MITF: variants seen among roughly 807,000 people sequenced by gnomAD.
MITF encodes the protein microphthalmia-associated transcription factor.
Under a neutral mutation model 60.5 loss-of-function variants are expected in MITF, and 17 were observed. That is an observed-to-expected ratio of 0.28 (90% CI 0.19 to 0.42). MITF has a LOEUF of 0.42. Among genes scored for constraint, MITF ranks in the 10% least tolerant of loss-of-function variants. The probability of loss-of-function intolerance (pLI) is 1.00; values close to 1 mark genes in which losing one functional copy is unlikely to be tolerated. For missense variants in MITF, 622 were observed against 683.5 expected (o/e 0.91, Z 1.00); for synonymous variants, 260 against 248.5 (o/e 1.05, Z -0.43).
chr3:69,916,076 AT>A (rs1462506777), intron 2 of MITF, among the ~76,000 whole-genome samples: 1 of 152,210 alleles, frequency 6.6e-6, no homozygotes, highest in Non-Finnish European at 1.5e-5. Context: ...ATCATATTCC[AT>A]TGTTCTGATA....
intron 8 of MITF, among the ~76,000 whole-genome samples, chr3:69,956,956 G>A (rs1455458593): frequency 6.6e-6 from 1 of 152,144 alleles, no homozygotes; most frequent in Non-Finnish European, 1.5e-5. Flanking sequence ...GAGACTTAAA[G>A]TTTAATGATA....
chr3:69,800,876 G>A (rs1398998506), intron 1 of MITF, among the ~76,000 whole-genome samples: 2 of 152,144 alleles, frequency 1.3e-5, no homozygotes, highest in African/African-American at 2.4e-5. Flanking sequence ...TAGAGAAAGT[G>A]ACTGAACCAG....
At chr3:69,924,523 C>T (rs1364135238) in intron 2 of MITF, among the ~76,000 whole-genome samples, 2 of 152,166 alleles carry the variant, frequency 1.3e-5, no homozygotes, top group Non-Finnish European at 2.9e-5. Context: ...TACAGGTTGT[C>T]TCAAATTTAT....
chr3:69,758,200 C>T (rs2062159380), intron 1 of MITF, among the ~76,000 whole-genome samples: 1 of 151,780 alleles, frequency 6.6e-6, no homozygotes, highest in Admixed American at 6.6e-5. Flanking sequence ...GACAGGGTCT[C>T]ACTCCATCTC....
intron 2 of MITF, among the ~76,000 whole-genome samples, chr3:69,925,347 C>G (rs924523385): frequency 6.6e-6 from 1 of 152,114 alleles, no homozygotes; most frequent in Non-Finnish European, 1.5e-5. Context: ...TTTACTCTGA[C>G]AGTGGGTCGT....
chr3:69,865,564 A>G (rs2064097767), intron 1 of MITF, among the ~76,000 whole-genome samples: 1 of 152,210 alleles, frequency 6.6e-6, no homozygotes, highest in Admixed American at 6.5e-5. Context: ...GACAGTCTTA[A>G]GAATACACAG....
chr3:69,920,952 C>T (rs1441164313), intron 2 of MITF, among the ~76,000 whole-genome samples: 2 of 152,200 alleles, frequency 1.3e-5, no homozygotes, highest in Non-Finnish European at 2.9e-5. Context: ...ACTGCAACCT[C>T]CACCTCCCTG....
intron 9 of MITF, among the ~76,000 whole-genome samples, chr3:69,962,051 G>C (rs529696028): frequency 6.6e-6 from 1 of 152,338 alleles, no homozygotes; most frequent in Admixed American, 6.5e-5. Flanking sequence ...AGAAATCTGA[G>C]TAATGCTTTA....
rs2064425002 is a variant in MITF, at chr3:69,879,226, A to T, written c.197A>T (p.Glu66Val). Reference protein sequence around the residue: ...RILLRQQLMREQMQEQERREQ... With the variant: ...RILLRQQLMRVQMQEQERREQ... The stretch of plus-strand genomic sequence containing the variant: ...TTGCTACGCCAGCAACTCATGCGTG[A>T]GCAGATGCAGGAGCAGGAGCGCAGG... Residue 66 changes from glutamate to valine, a missense_variant, in exon 2 of 10, where the codon GAG (glutamate) becomes GTG (valine). Coordinates refer to ENST00000352241, the MANE Select transcript of MITF (RefSeq NM_001354604.2). 1 of 1,614,092 alleles carries T rather than the reference A, an allele frequency of 6.2e-7. No homozygotes were observed. Among genetic ancestry groups the T allele is most frequent in the Admixed American group, 1.7e-5 (1 of 60,008 alleles).
At chr3:69,853,546 C>G (rs1205053461) in intron 1 of MITF, among the ~76,000 whole-genome samples, 15 of 152,010 alleles carry the variant, frequency 9.9e-5, no homozygotes, top group Admixed American at 9.8e-4. Context: ...GCCCACCATC[C>G]ATCTTAAAAA....
intron 1 of MITF, among the ~76,000 whole-genome samples, chr3:69,787,877 G>A (rs2062676116): frequency 6.6e-6 from 1 of 152,152 alleles, no homozygotes; most frequent in African/African-American, 2.4e-5. Context: ...AAGAATGGTG[G>A]TGGTAGCCAG....
At chr3:69,939,075 T>C in intron 3 of MITF, 23 bp from the exon 4 acceptor site, 5 of 1,613,044 alleles carry the variant, frequency 3.1e-6, no homozygotes, top group Non-Finnish European at 4.2e-6. Context: ...AGTTATAGAC[T>C]GTTTTTGCTT....
intron 1 of MITF, among the ~76,000 whole-genome samples, chr3:69,796,929 G>C (rs2062841222): frequency 6.6e-6 from 1 of 152,128 alleles, no homozygotes; most frequent in Admixed American, 6.5e-5. Flanking sequence ...TAAAGCAGAA[G>C]CACCAAGACC....
intron 1 of MITF, chr3:69,866,409 C>G: frequency 6.3e-7 from 1 of 1,595,182 alleles, no homozygotes. Flanking sequence ...TTTTTTTTCT[C>G]TTTAAGGGGG....
intron 2 of MITF, chr3:69,936,916 A>T: frequency 5.6e-6 from 3 of 538,572 alleles, no homozygotes; most frequent in African/African-American, 2.0e-5. Flanking sequence ...AATTCAATGT[A>T]GTTTTGAACA....
At chr3:69,959,142 C>T in intron 8 of MITF, 131 bp from the exon 9 acceptor site, 2 of 1,089,588 alleles carry the variant, frequency 1.8e-6, no homozygotes, top group Non-Finnish European at 2.6e-6. Flanking sequence ...CAAGCACCAC[C>T]TGTTCCCCCA....
intron 2 of MITF, among the ~76,000 whole-genome samples, chr3:69,928,577 T>C (rs2065645892): frequency 6.6e-6 from 1 of 152,204 alleles, no homozygotes; most frequent in South Asian, 2.1e-4. Context: ...ACTTCTCAAC[T>C]CTGTTGCTTT....
chr3:69,889,793 A>G (rs2064717073), intron 2 of MITF, among the ~76,000 whole-genome samples: 1 of 152,168 alleles, frequency 6.6e-6, no homozygotes. Flanking sequence ...AAAGATTTCC[A>G]ATAAATAAAT....
intron 1 of MITF, among the ~76,000 whole-genome samples, chr3:69,806,395 A>C (rs1349601401): frequency 6.6e-6 from 1 of 151,916 alleles, no homozygotes. Context: ...CCATTTTACT[A>C]ATTTTTAACT....
Sources: gnomAD v4.1 joint callset for allele counts (sites outside exome capture counted in the v4.1 genomes callset) on GRCh38, gnomAD v4.1.1 for gene constraint, MANE v1.5 for transcripts, NCBI Gene and HGNC (gene_info 2026-07-23, HGNC 2026-07-21) for gene names.